The following KAZN variants were observed in gnomAD, a reference collection of about 807,000 sequenced individuals.
The protein encoded by KAZN is kazrin, periplakin interacting protein, also known as kazrin.
Under a neutral mutation model 87.4 loss-of-function variants are expected in KAZN, and 40 were observed. That is an observed-to-expected ratio of 0.46 (90% CI 0.36 to 0.60). The LOEUF is 0.60. Ranked by LOEUF, KAZN falls within the 20% of genes least tolerant of loss-of-function variation. KAZN has a pLI of 0.00. For missense variants in KAZN, 898 were observed against 1,073.9 expected, an observed-to-expected ratio of 0.84 and a Z score of 2.29; for synonymous variants, 466 against 458.3, an observed-to-expected ratio of 1.02 and a Z score of -0.22.
chr1:15,103,874 G>C (rs1368011490), intron 12 of KAZN, 149 bp from the exon 13 acceptor site: 2 of 736,164 alleles, frequency 2.7e-6, no homozygotes, highest in South Asian at 1.9e-5. Context: ...TAAAAAATTG[G>C]GGAGGGGTTC....
At chr1:14,135,093 G>A (rs1216941001) in intron 1 of KAZN, among the ~76,000 whole-genome samples, 1 of 151,746 alleles carries the variant, frequency 6.6e-6, no homozygotes, top group Non-Finnish European at 1.5e-5. Context: ...TAAAAGTAAT[G>A]GCAAAAACTG....
rs370923486 is a variant in KAZN at position 14,255,465 on chromosome 1, G to A, written c.249+74873G>A. Reference sequence around the variant, plus strand: ...TCAAATATAGTCAGCCCAGCAAGACGGAGGCTCACAGAAACGGAGTTTCAT... The same window carrying A: ...TCAAATATAGTCAGCCCAGCAAGACAGAGGCTCACAGAAACGGAGTTTCAT... On this transcript the variant is annotated intron_variant, in intron 2 of 16. Transcript: ENST00000636203. 9.7e-4 allele frequency among the ~76,000 whole-genome samples: 148 copies of A among 152,264 alleles called. 2 individuals carry two copies. The South Asian group carries it at 0.028, about 28-fold the overall frequency.
Position 14,044,034 on chromosome 1 carries a change from A to G in KAZN, c.92-136401A>G, listed in dbSNP as rs144985336. On this transcript the variant is annotated intron_variant, in intron 1 of 16. Transcript: ENST00000636203. ...CAGATGGTGGCTAGGTCTAAAGTCA[A>G]CTGAAGACTTTACTGGGATAAACAC... Among the ~76,000 whole-genome samples, 585 of 152,276 alleles carry G rather than the reference A, an allele frequency of 3.8e-3. 4 individuals carry two copies. Among genetic ancestry groups the G allele is most frequent in the African/African-American group, 0.013 (552 of 41,550 alleles).
chr1:13,935,252 G>GTAATAATAATAATAATAGTAA (rs1640682076), intron 1 of KAZN, among the ~76,000 whole-genome samples: 2 of 147,072 alleles, frequency 1.4e-5, no homozygotes, highest in South Asian at 2.2e-4. Context: ...AGTAGTAGTA[G>GTAATAATAATAATAATAGTAA]TAATAATAAT....
chr1:13,920,007 G>A (rs892296209), intron 1 of KAZN, among the ~76,000 whole-genome samples: 1 of 151,988 alleles, frequency 6.6e-6, no homozygotes, highest in South Asian at 2.1e-4. Flanking sequence ...TATTAAAAAG[G>A]TTATTTTGCT....
intron 1 of KAZN, among the ~76,000 whole-genome samples, chr1:14,770,087 GGGAAAGAGT>G (rs777719319): frequency 3.9e-5 from 6 of 152,172 alleles, no homozygotes; most frequent in Non-Finnish European, 7.4e-5. Flanking sequence ...AAGAAATCAT[GGGAAAGAGT>G]GGATGGGTCA....
chr1:14,118,330 A>G (rs1022915875), intron 1 of KAZN, among the ~76,000 whole-genome samples: 5 of 152,184 alleles, frequency 3.3e-5, no homozygotes, highest in African/African-American at 1.2e-4. Flanking sequence ...AATAGATCAA[A>G]CCCTACCATC....
intron 2 of KAZN, among the ~76,000 whole-genome samples, chr1:14,366,784 T>C (rs1384139388): frequency 1.3e-5 from 2 of 152,204 alleles, no homozygotes; most frequent in Non-Finnish European, 2.9e-5. Flanking sequence ...CCTTTTCACA[T>C]GAGGTGGCTG....
intron 1 of KAZN, among the ~76,000 whole-genome samples, chr1:14,631,334 C>T (rs1029624926): frequency 2.0e-5 from 3 of 152,246 alleles, no homozygotes; most frequent in Non-Finnish European, 2.9e-5. Context: ...GATCAAGCCC[C>T]CATCCTTGGA....
At chr1:14,037,606 A>G (rs760809005) in intron 1 of KAZN, among the ~76,000 whole-genome samples, 18 of 152,180 alleles carry the variant, frequency 1.2e-4, no homozygotes, top group Non-Finnish European at 2.1e-4. Flanking sequence ...TTGATTTAGA[A>G]GTATCTGTTC....
At chr1:14,322,816 C>A (rs902456655) in intron 2 of KAZN, among the ~76,000 whole-genome samples, 3 of 152,148 alleles carry the variant, frequency 2.0e-5, no homozygotes, top group African/African-American at 7.2e-5. Context: ...TAGCAAATAG[C>A]AAAATCCCAC....
At chr1:14,689,368 G>A (rs1472944534) in intron 1 of KAZN, among the ~76,000 whole-genome samples, 2 of 152,160 alleles carry the variant, frequency 1.3e-5, no homozygotes, top group African/African-American at 4.8e-5. Flanking sequence ...AGGGCGTGAG[G>A]GTCTTTCTCC....
chr1:15,094,444 C>T lies in KAZN; in HGVS notation c.1428+59C>T. The T allele has an allele frequency of 6.7e-7, 1 of 1,488,376 alleles. No individual in the cohort carries two copies. The highest frequency in any genetic ancestry group is 9.2e-7 in the Non-Finnish European group (1 of 1,092,178). The allele number at this position is 1,488,376 out of a possible 1,614,324, so 92.2% of individuals were successfully genotyped here. A position where few individuals can be genotyped will look rare whatever the true frequency, so the allele number is the denominator to read the frequency against. On this transcript the variant is annotated intron_variant, in intron 9 of 14. Transcript: ENST00000376030. The surrounding 1 kb of genome is among the most constrained non-coding windows in gnomAD (Gnocchi z 4.5). ...CCATGCCCTCTGTGAGCTTTACGTA[C>T]CCAGAAGCTGGCCTGCCCCCCACTC...
chr1:14,897,187 G>A (rs1655369750), intron 1 of KAZN, among the ~76,000 whole-genome samples: 1 of 152,170 alleles, frequency 6.6e-6, no homozygotes, highest in Non-Finnish European at 1.5e-5. Flanking sequence ...ATCAAAGAAA[G>A]GGAAGGAGTT....
chr1:14,273,736 G>A (rs1351343948), intron 2 of KAZN, among the ~76,000 whole-genome samples: 2 of 152,040 alleles, frequency 1.3e-5, no homozygotes, highest in African/African-American at 2.4e-5. Flanking sequence ...CAATAGCTAC[G>A]TCCTTTCCTT....
intron 2 of KAZN, among the ~76,000 whole-genome samples, chr1:14,422,395 G>A (rs766186444): frequency 2.6e-5 from 4 of 152,188 alleles, no homozygotes; most frequent in Non-Finnish European, 5.9e-5. Flanking sequence ...GGCAAACTAC[G>A]TAGGTAAAGT....
chr1:14,413,746 C>T (rs1156483784), intron 2 of KAZN, among the ~76,000 whole-genome samples: 1 of 149,382 alleles, frequency 6.7e-6, no homozygotes, highest in Non-Finnish European at 1.5e-5. Flanking sequence ...ATCTAGAAAA[C>T]AAAAGCTACT....
In KAZN at chr1:15,041,973, T is replaced by C. The variant is rs1672974151; in HGVS notation, c.556-2016T>C. On this transcript the variant is annotated intron_variant, in intron 3 of 14. Transcript: ENST00000376030. ...GGTTGTGAGATTTAAATAATGCACCTAAAAGCCTTAGCACTGTACAGAACG... is the reference window on the plus strand; with the variant it reads ...GGTTGTGAGATTTAAATAATGCACCCAAAAGCCTTAGCACTGTACAGAACG... 2.0e-5 allele frequency among the ~76,000 whole-genome samples: 3 copies of C among 152,280 alleles called. 1 individual carries two copies. Among genetic ancestry groups the C allele is most frequent in the Admixed American group, 1.3e-4 (2 of 15,294 alleles).
At chr1:14,636,323 C>G (rs1679981496) in intron 1 of KAZN, among the ~76,000 whole-genome samples, 1 of 152,194 alleles carries the variant, frequency 6.6e-6, no homozygotes, top group Non-Finnish European at 1.5e-5. Context: ...TGGTCCCCCT[C>G]TCTAGGTGCT....
Sources: gnomAD v4.1 joint callset for allele counts (sites outside exome capture counted in the v4.1 genomes callset) on GRCh38, gnomAD v4.1.1 for gene constraint, Gnocchi (gnomAD v3.1) non-coding constraint, MANE v1.5 for transcripts, NCBI Gene and HGNC (gene_info 2026-07-23, HGNC 2026-07-21) for gene names.